Variants in RND3 observed in about 807,000 individuals in gnomAD.
RND3 encodes rho-related GTP-binding protein RhoE.
A neutral mutation model predicts 26.5 loss-of-function variants in RND3; 8 were observed. The observed-to-expected ratio is 0.30, with a 90% CI of 0.18 to 0.54. The LOEUF (loss-of-function observed/expected upper bound fraction) is 0.54. RND3 is among the 20% of genes least tolerant of loss of function. RND3 has a pLI of 0.94. For synonymous variants in RND3, 113 were observed against 113.0 expected (o/e 1.00, Z 0.00); for missense variants, 207 against 302.8 (o/e 0.68, Z 2.35).
intron 3 of RND3, among the ~76,000 whole-genome samples, chr2:150,476,930 T>G (rs1558870339): frequency 6.6e-6 from 1 of 152,206 alleles, no homozygotes; most frequent in Non-Finnish European, 1.5e-5. Flanking sequence ...CCTTTCCTGT[T>G]TCTGTGTCCA....
chr2:150,475,034 T>G, intron 3 of RND3, 50 bp from the exon 4 acceptor site: 1 of 1,130,830 alleles, frequency 8.8e-7, no homozygotes, highest in Non-Finnish European at 1.3e-6. Context: ...TCCCCTTGTC[T>G]GTCATGCATT....
chr2:150,470,301 C>G, intron 5 of RND3, 63 bp from the exon 6 acceptor site: 1 of 1,511,642 alleles, frequency 6.6e-7, no homozygotes, highest in Non-Finnish European at 9.0e-7. Context: ...TAGCTAGCAT[C>G]TTCTAATACC....
In RND3 at chr2:150,469,599, AT is replaced by A; in HGVS notation, c.*387del. 1 of 174,070 alleles carries A rather than the reference AT, an allele frequency of 5.7e-6. No individual in the cohort carries two copies. The highest frequency in any genetic ancestry group is 1.2e-5 in the Non-Finnish European group (1 of 81,846). 10.8% of individuals were successfully genotyped at this position (174,070 alleles called of 1,614,324 possible). Reference sequence around the variant, plus strand: ...TACTTTTTGTAAAGGAGATTAAAACATTTAAAAATTAAATCAAAGTGGAGAT... The same window carrying A: ...TACTTTTTGTAAAGGAGATTAAAACATTAAAAATTAAATCAAAGTGGAGAT... On this transcript the variant is annotated 3_prime_UTR_variant, in exon 6 of 6. Transcript: ENST00000263895.
At chr2:150,484,444 G>T (rs1320366696) in intron 3 of RND3, among the ~76,000 whole-genome samples, 1 of 152,138 alleles carries the variant, frequency 6.6e-6, no homozygotes, top group Non-Finnish European at 1.5e-5. Context: ...TGTCACTCTT[G>T]AAGCTTGAGA....
intron 2 of RND3, 108 bp downstream of exon 2, chr2:150,487,160 C>G: frequency 1.6e-5 from 8 of 487,900 alleles, no homozygotes; most frequent in Non-Finnish European, 2.5e-5. Context: ...TTTTTTTTTT[C>G]TTTTTTTTTT....
chr2:150,476,362 T>C lies in RND3; in HGVS notation c.239-1378A>G, dbSNP rs201925888. Among the ~76,000 whole-genome samples the C allele has an allele frequency of 2.0e-5, 3 of 152,174 alleles. No individual in the cohort carries two copies. In the East Asian group the frequency reaches 5.8e-4, roughly 29 times the overall value. On this transcript the variant is annotated intron_variant, in intron 3 of 5. Coordinates refer to ENST00000263895, the MANE Select transcript of RND3 (RefSeq NM_005168.5). ...TGTTCTTGTGATCTAAAAGGCACTA[T>C]AGTCAGGGGGCATCGCCCTCTATTC... is the stretch of plus-strand genomic sequence containing the variant.
At chr2:150,481,500 C>G (rs1056094849) in intron 3 of RND3, among the ~76,000 whole-genome samples, 1 of 152,060 alleles carries the variant, frequency 6.6e-6, no homozygotes, top group Non-Finnish European at 1.5e-5. Context: ...TTTGGGAAAG[C>G]CTGAATATTT....
At chr2:150,470,818 G>A (rs1377021578) in intron 5 of RND3, among the ~76,000 whole-genome samples, 1 of 152,080 alleles carries the variant, frequency 6.6e-6, no homozygotes, top group Admixed American at 6.6e-5. Context: ...TTTTCTTGAG[G>A]GTAAATGGCA....
intron 3 of RND3, among the ~76,000 whole-genome samples, chr2:150,480,842 C>A (rs906577432): frequency 6.6e-6 from 1 of 152,148 alleles, no homozygotes; most frequent in African/African-American, 2.4e-5. Context: ...TAACCCAGGT[C>A]TTTTACATAA....
At chr2:150,472,157 C>T (rs1349975120) in intron 4 of RND3, among the ~76,000 whole-genome samples, 1 of 151,696 alleles carries the variant, frequency 6.6e-6, no homozygotes, top group African/African-American at 2.4e-5. Flanking sequence ...GGATCTGATC[C>T]TCCTTCACTA....
chr2:150,484,725 A>G (rs1052753924), intron 3 of RND3, among the ~76,000 whole-genome samples: 6 of 152,344 alleles, frequency 3.9e-5, no homozygotes, highest in Admixed American at 3.9e-4. Context: ...CATCTAGCTC[A>G]GTGTCCTCTT....
At chr2:150,476,057 C>T (rs1686159475) in intron 3 of RND3, among the ~76,000 whole-genome samples, 1 of 152,166 alleles carries the variant, frequency 6.6e-6, no homozygotes, top group Non-Finnish European at 1.5e-5. Context: ...CGTATGCTGA[C>T]ATTTCACAAG....
chr2:150,487,474 A>AAAAAAAAATATATATAT lies in RND3; in HGVS notation c.-38-20_-38-19insATATATATATTTTTTTT. ...ATTTTCTCTTAAGAAGAAAAAAAAA[A>AAAAAAAAATATATATAT]ATATATATATATATATATATTTCTC... On this transcript the variant is annotated intron_variant, in intron 1 of 5. Transcript: ENST00000263895. The AAAAAAAAATATATATAT allele has an allele frequency of 1.7e-4, 34 of 200,796 alleles. No homozygotes were observed. Among genetic ancestry groups the AAAAAAAAATATATATAT allele is most frequent in the Middle Eastern group, 1.6e-3 (1 of 612 alleles). 12.4% of individuals were successfully genotyped at this position (200,796 alleles called of 1,614,324 possible).
Position 150,486,312 on chromosome 2 carries a change from G to C in RND3, c.238+382C>G, listed in dbSNP as rs1292477733. Among the ~76,000 whole-genome samples, 1 of 152,108 alleles carries C rather than the reference G, an allele frequency of 6.6e-6. No individual in the cohort carries two copies. The highest frequency in any genetic ancestry group is 1.5e-5 in the Non-Finnish European group (1 of 68,032). On this transcript the variant is annotated intron_variant, in intron 3 of 5. Coordinates refer to ENST00000263895, the MANE Select transcript of RND3 (RefSeq NM_005168.5). The surrounding 1 kb of genome is among the most constrained non-coding windows in gnomAD (Gnocchi z 4.5). ...GCCAACCAGCAGGTTAGATCTAGGA[G>C]GGGCGCCCGCCTTGAGCCGGGTGGT...
intron 3 of RND3, among the ~76,000 whole-genome samples, chr2:150,485,577 C>T (rs1181753910): frequency 6.6e-6 from 1 of 152,236 alleles, no homozygotes; most frequent in Non-Finnish European, 1.5e-5. Flanking sequence ...CAGCCCTAAG[C>T]GCAGGGGCCT....
intron 5 of RND3, 93 bp from the exon 6 acceptor site, chr2:150,470,331 C>A: frequency 7.5e-7 from 1 of 1,342,172 alleles, no homozygotes. Context: ...TAACACATTG[C>A]AAAACGTTTG....
At position 150,470,030 on chromosome 2, in the gene RND3, G is replaced by A. The variant is rs761105485; in HGVS notation, c.692C>T (p.Thr231Met). Reference sequence around the variant, plus strand: ...CTTCGCTTTGTCCTTTCGTAAGTCCGTAGCAACTGCCGAGAGTTCTGGTCT... The same window carrying A: ...CTTCGCTTTGTCCTTTCGTAAGTCCATAGCAACTGCCGAGAGTTCTGGTCT... ...PSRPELSAVA[T>M]DLRKDKAKSC... Residue 231 changes from threonine to methionine, a missense_variant, in exon 6 of 6, where the codon ACG becomes ATG. Physicochemically the swap from Thr to Met is moderately conservative, Grantham distance 81. Transcript: ENST00000263895. 4.3e-5 allele frequency: 69 copies of A among 1,613,922 alleles called. No homozygotes were observed. Among genetic ancestry groups the A allele is most frequent in the South Asian group, 3.7e-4 (34 of 91,066 alleles).
At chr2:150,482,735 G>C (rs9287849) in intron 3 of RND3, among the ~76,000 whole-genome samples, 18,465 of 133,640 alleles carry the variant, frequency 0.14, 1,512 homozygotes, top group African/African-American at 0.21. Flanking sequence ...GGGTGGGGGG[G>C]GCGGTGCGGG....
chr2:150,473,338 A>G (rs924023344), intron 4 of RND3, among the ~76,000 whole-genome samples: 2 of 152,168 alleles, frequency 1.3e-5, no homozygotes, highest in Non-Finnish European at 2.9e-5. Flanking sequence ...TAGAAGACAA[A>G]AGCAAAATAA....
Sources: gnomAD v4.1 joint callset for allele counts (sites outside exome capture counted in the v4.1 genomes callset) on GRCh38, gnomAD v4.1.1 for gene constraint, Gnocchi (gnomAD v3.1) non-coding constraint, MANE v1.5 for transcripts, NCBI Gene and HGNC (gene_info 2026-07-23, HGNC 2026-07-21) for gene names.